Variants in ZMYM2 observed in about 807,000 individuals in gnomAD.
The protein encoded by ZMYM2 is zinc finger MYM-type protein 2.
A neutral mutation model predicts 162.8 loss-of-function variants in ZMYM2; 56 were observed. The observed-to-expected ratio is 0.34, with a 90% CI of 0.28 to 0.43. The LOEUF (loss-of-function observed/expected upper bound fraction) is 0.43. Ranked by LOEUF, ZMYM2 falls within the 20% of genes least tolerant of loss-of-function variation. The pLI is 1.00. For missense variants in ZMYM2, 1,275 were observed against 1,621.8 expected (o/e 0.79, Z 3.67); for synonymous variants, 510 against 541.6 (o/e 0.94, Z 0.81).
chr13:19,882,469 C>T, the ZMYM2 span, among the ~76,000 whole-genome samples: 91 of 152,176 alleles, frequency 6.0e-4, 3 homozygotes, highest in East Asian at 0.014. Context: ...ATTGGCTGGG[C>T]GTGGTGGTAG....
In ZMYM2 at chr13:20,027,202, G is replaced by T; in HGVS notation, c.1736-1G>T. 1 of 1,560,786 alleles carries T rather than the reference G, an allele frequency of 6.4e-7. No individual in the cohort carries two copies. The highest frequency in any genetic ancestry group is 2.3e-5 in the East Asian group (1 of 42,820). On this transcript the variant is annotated splice_acceptor_variant, in intron 8 of 24. Coordinates refer to ENST00000610343, the MANE Select transcript of ZMYM2 (RefSeq NM_197968.4). LOFTEE classifies it high-confidence loss of function. ...TCAGATATGTACCTTTTCTTTCCTA[G>T]GTTTGGGAATTATTTGCCATTTTTG...
intron 9 of ZMYM2, 107 bp from the exon 10 acceptor site, chr13:20,031,207 TATCTA>T (rs1422046354): frequency 1.5e-6 from 1 of 681,670 alleles, no homozygotes; most frequent in African/African-American, 1.9e-5. Flanking sequence ...GCTGAAAAGA[TATCTA>T]AGCAAGATGT....
At chr13:19,894,594 C>A in the ZMYM2 span, among the ~76,000 whole-genome samples, 1 of 151,926 alleles carries the variant, frequency 6.6e-6, no homozygotes, top group African/African-American at 2.4e-5. Context: ...ATCCACCTGC[C>A]TTGGCCTCCC....
intron 14 of ZMYM2, among the ~76,000 whole-genome samples, chr13:20,057,757 T>C (rs2140709380): frequency 6.6e-6 from 1 of 152,338 alleles, no homozygotes; most frequent in South Asian, 2.1e-4. Flanking sequence ...ATGAAAACAT[T>C]GCGACCAGAG....
At chr13:19,882,383 C>T in the ZMYM2 span, among the ~76,000 whole-genome samples, 134 of 152,180 alleles carry the variant, frequency 8.8e-4, no homozygotes, top group African/African-American at 3.1e-3. Context: ...AGACATGTCT[C>T]CAAAACATGG....
At chr13:20,062,306 T>C (rs991465254) in intron 17 of ZMYM2, among the ~76,000 whole-genome samples, 1 of 152,162 alleles carries the variant, frequency 6.6e-6, no homozygotes, top group Non-Finnish European at 1.5e-5. Flanking sequence ...GTGAAACCAG[T>C]GTGTATACAG....
At chr13:19,884,929 A>G in the ZMYM2 span, among the ~76,000 whole-genome samples, 3 of 152,286 alleles carry the variant, frequency 2.0e-5, no homozygotes, top group Admixed American at 1.3e-4. Flanking sequence ...GGTCCATTTT[A>G]CAGAGTGCTG....
chr13:19,950,355 A>G, the ZMYM2 span, among the ~76,000 whole-genome samples: 2 of 152,250 alleles, frequency 1.3e-5, no homozygotes, highest in Admixed American at 1.3e-4. Context: ...CTGGTAAATT[A>G]AGTTTAGCCG....
intron 5 of ZMYM2, 102 bp downstream of exon 5, chr13:20,005,341 A>T: frequency 1.2e-6 from 1 of 836,086 alleles, no homozygotes; most frequent in Non-Finnish European, 1.8e-6. Context: ...CTTAAAAATG[A>T]ATATATATAA....
chr13:19,995,000 AT>A (rs1414319551), intron 3 of ZMYM2, among the ~76,000 whole-genome samples: 1 of 29,750 alleles, frequency 3.4e-5, no homozygotes, highest in African/African-American at 9.7e-5. Context: ...GCCTGGCTAA[AT>A]TAAAAAAAAA....
chr13:20,046,223 G>A (rs1954767236), intron 12 of ZMYM2, among the ~76,000 whole-genome samples: 1 of 151,940 alleles, frequency 6.6e-6, no homozygotes, highest in South Asian at 2.1e-4. Flanking sequence ...TTAAGCCTGG[G>A]TGACAGAGCA....
intron 18 of ZMYM2, among the ~76,000 whole-genome samples, chr13:20,063,325 C>A (rs2312966): frequency 0.7 from 102,793 of 147,800 alleles, 40,480 homozygotes; most frequent in Non-Finnish European, 0.86. Context: ...ATTGCTTGAG[C>A]CCAGGAGGTA....
intron 11 of ZMYM2, among the ~76,000 whole-genome samples, chr13:20,035,030 G>A (rs1260961423): frequency 6.6e-6 from 1 of 152,158 alleles, no homozygotes; most frequent in African/African-American, 2.4e-5. Context: ...TGTTATTCCT[G>A]TTCCCAATGT....
chr13:19,896,882 G>C, the ZMYM2 span, among the ~76,000 whole-genome samples: 52 of 150,412 alleles, frequency 3.5e-4, 1 homozygote, highest in African/African-American at 1.2e-3. Context: ...AGACCAGCCT[G>C]ACCAACATGG....
the ZMYM2 span, among the ~76,000 whole-genome samples, chr13:19,921,287 G>A: frequency 6.6e-6 from 1 of 151,984 alleles, no homozygotes; most frequent in African/African-American, 2.4e-5. Flanking sequence ...TTACAGACAT[G>A]AGCCACCACA....
chr13:19,999,587 G>A (rs1170631941), intron 3 of ZMYM2, among the ~76,000 whole-genome samples: 1 of 152,106 alleles, frequency 6.6e-6, no homozygotes, highest in Non-Finnish European at 1.5e-5. Flanking sequence ...CCCTATAATG[G>A]TTGCTAAGTG....
upstream of ZMYM2, among the ~76,000 whole-genome samples, chr13:19,958,009 G>T (rs1159633078): frequency 6.6e-6 from 1 of 152,248 alleles, no homozygotes; most frequent in East Asian, 1.9e-4. Context: ...GGTTTTTAGG[G>T]GGTCCCAAGT....
intron 13 of ZMYM2, among the ~76,000 whole-genome samples, chr13:20,051,829 A>G (rs1955376433): frequency 6.6e-6 from 1 of 152,144 alleles, no homozygotes; most frequent in Non-Finnish European, 1.5e-5. Context: ...GGCATAGTTG[A>G]GAGTGAGGAG....
At chr13:19,919,447 C>T in the ZMYM2 span, among the ~76,000 whole-genome samples, 1 of 152,078 alleles carries the variant, frequency 6.6e-6, no homozygotes, top group African/African-American at 2.4e-5. Flanking sequence ...TGGCTGCACC[C>T]TTTTACATTC....
Sources: allele counts gnomAD v4.1 joint callset (sites outside exome capture counted in the v4.1 genomes callset), GRCh38; gene constraint gnomAD v4.1.1; transcripts MANE v1.5; gene names NCBI Gene and HGNC (gene_info 2026-07-23, HGNC 2026-07-21).